Variants in ANGPT1 observed in about 807,000 individuals in gnomAD.
The protein encoded by ANGPT1 is angiopoietin 1.
ANGPT1 carries 17 observed loss-of-function variants against 62.2 expected under a neutral mutation model. The ratio of observed to expected loss-of-function variants is 0.27; its 90% CI spans 0.19 to 0.41. ANGPT1 has a LOEUF of 0.41. Ranked by LOEUF, ANGPT1 falls within the 10% of genes least tolerant of loss-of-function variation. ANGPT1 has a pLI of 1.00. For missense variants in ANGPT1, 478 were observed against 594.9 expected, an observed-to-expected ratio of 0.80 and a Z score of 2.04; for synonymous variants, 199 against 198.9, an observed-to-expected ratio of 1.00 and a Z score of 0.00.
intron 1 of ANGPT1, among the ~76,000 whole-genome samples, chr8:107,447,823 T>C (rs1241534465): frequency 6.6e-6 from 1 of 152,172 alleles, no homozygotes; most frequent in Non-Finnish European, 1.5e-5. Flanking sequence ...CAGACACACA[T>C]ACACACACAA....
At chr8:107,469,792 T>A (rs1375957146) in intron 1 of ANGPT1, among the ~76,000 whole-genome samples, 2 of 152,064 alleles carry the variant, frequency 1.3e-5, no homozygotes, top group Non-Finnish European at 2.9e-5. Flanking sequence ...TTCTGGCTTT[T>A]AAAATTGTAC....
intron 1 of ANGPT1, among the ~76,000 whole-genome samples, chr8:107,460,064 C>T (rs1179885451): frequency 1.3e-5 from 2 of 152,180 alleles, no homozygotes; most frequent in African/African-American, 4.8e-5. Context: ...ACACCCATGT[C>T]TCTGGGTTAT....
At chr8:107,468,293 T>C (rs1812258607) in intron 1 of ANGPT1, among the ~76,000 whole-genome samples, 1 of 152,000 alleles carries the variant, frequency 6.6e-6, no homozygotes, top group Non-Finnish European at 1.5e-5. Flanking sequence ...CACTGAGAAA[T>C]GGGGTACTTT....
At chr8:107,277,291 T>C (rs755230042) in intron 7 of ANGPT1, among the ~76,000 whole-genome samples, 2 of 152,286 alleles carry the variant, frequency 1.3e-5, no homozygotes, top group Admixed American at 6.5e-5. Flanking sequence ...AAAATGACTT[T>C]ATAATGGAAT....
At chr8:107,280,963 T>C (rs1813990506) in intron 7 of ANGPT1, among the ~76,000 whole-genome samples, 1 of 152,188 alleles carries the variant, frequency 6.6e-6, no homozygotes, top group Non-Finnish European at 1.5e-5. Flanking sequence ...AGAGGAAGTA[T>C]TAAATAATTT....
chr8:107,322,321 A>C (rs1815173876), intron 3 of ANGPT1, among the ~76,000 whole-genome samples, 193 bp from the exon 4 acceptor site: 1 of 152,210 alleles, frequency 6.6e-6, no homozygotes, highest in South Asian at 2.1e-4. Flanking sequence ...CAAATAAAAA[A>C]TAAGTAAACC....
chr8:107,453,286 T>C (rs1811825095), intron 1 of ANGPT1, among the ~76,000 whole-genome samples: 1 of 152,052 alleles, frequency 6.6e-6, no homozygotes, highest in Non-Finnish European at 1.5e-5. Context: ...TGCAATACCA[T>C]TTTTAAGTTT....
chr8:107,432,258 T>G (rs940296917), intron 1 of ANGPT1, among the ~76,000 whole-genome samples: 2 of 151,674 alleles, frequency 1.3e-5, no homozygotes, highest in Non-Finnish European at 2.9e-5. Flanking sequence ...TATTTTGGGA[T>G]TATTCCTTTT....
At chr8:107,290,722 T>G (rs1814253030) in intron 6 of ANGPT1, among the ~76,000 whole-genome samples, 1 of 152,232 alleles carries the variant, frequency 6.6e-6, no homozygotes, top group Non-Finnish European at 1.5e-5. Flanking sequence ...GACATTCATC[T>G]GATAAATGTT....
chr8:107,360,962 C>A (rs1816149352), intron 1 of ANGPT1, among the ~76,000 whole-genome samples: 1 of 152,142 alleles, frequency 6.6e-6, no homozygotes, highest in Non-Finnish European at 1.5e-5. Flanking sequence ...TCCATAGTGA[C>A]ATGCTATTTA....
chr8:107,370,979 A>T (rs1175376380), intron 1 of ANGPT1, among the ~76,000 whole-genome samples: 1 of 152,086 alleles, frequency 6.6e-6, no homozygotes, highest in Non-Finnish European at 1.5e-5. Context: ...TTTAAAAAAA[A>T]AAAAAGCAAT....
chr8:107,288,275 A>T (rs1214341655), intron 6 of ANGPT1, among the ~76,000 whole-genome samples: 2 of 152,184 alleles, frequency 1.3e-5, no homozygotes. Context: ...AGTACTAATG[A>T]AAGCACAGAC....
chr8:107,356,996 T>C lies in ANGPT1; in HGVS notation c.298-9899A>G, dbSNP rs116419309. 3.9e-3 allele frequency among the ~76,000 whole-genome samples: 587 copies of C among 152,334 alleles called. 6 individuals are homozygous for C. The highest frequency in any genetic ancestry group is 0.014 in the African/African-American group (565 of 41,574). ...ATACAAACATACACACAAATACATT[T>C]GCACAATTATGCTCTTGTACACACA... On this transcript the variant is annotated intron_variant, in intron 1 of 8. Coordinates refer to ENST00000517746, the MANE Select transcript of ANGPT1 (RefSeq NM_001146.5).
intron 1 of ANGPT1, among the ~76,000 whole-genome samples, chr8:107,370,763 G>A: frequency 1.4e-5 from 2 of 143,752 alleles, no homozygotes; most frequent in Non-Finnish European, 1.5e-5. Context: ...GAAGGAAGGA[G>A]GGAAGGAAGG....
In ANGPT1 at chr8:107,460,618, T is replaced by C. The variant is rs552740376; in HGVS notation, c.297+36644A>G. Among the ~76,000 whole-genome samples, 7 of 152,312 alleles carry C rather than the reference T, an allele frequency of 4.6e-5. No homozygotes were observed. The South Asian group carries it at 1.4e-3, about 32-fold the overall frequency. ...ATGAAAAGTTTTCTACAGAAATATT[T>C]CTGCAACAAACACACACAAATATGC... is the stretch of plus-strand genomic sequence containing the variant. On this transcript the variant is annotated intron_variant, in intron 1 of 8. Transcript: ENST00000517746.
intron 5 of ANGPT1, among the ~76,000 whole-genome samples, chr8:107,298,681 TAC>T (rs1814479127): frequency 6.6e-6 from 1 of 151,838 alleles, no homozygotes. Context: ...ATTACTGTAC[TAC>T]AATCCTGTTA....
intron 1 of ANGPT1, among the ~76,000 whole-genome samples, chr8:107,376,617 T>C (rs973846011): frequency 3.3e-5 from 5 of 152,116 alleles, no homozygotes; most frequent in African/African-American, 2.4e-5. Context: ...ACTCCAGCCA[T>C]AGCAGAGCTT....
intron 1 of ANGPT1, among the ~76,000 whole-genome samples, chr8:107,415,711 T>C (rs745937526): frequency 6.6e-6 from 1 of 152,186 alleles, no homozygotes; most frequent in Non-Finnish European, 1.5e-5. Flanking sequence ...TAGCCCCTTC[T>C]GGACAAACAA....
intron 1 of ANGPT1, among the ~76,000 whole-genome samples, chr8:107,394,309 T>G (rs1351252406): frequency 6.6e-6 from 1 of 152,180 alleles, no homozygotes; most frequent in Non-Finnish European, 1.5e-5. Context: ...TGACTCTTAC[T>G]AGAATATACA....
Sources: gnomAD v4.1 joint callset for allele counts (sites outside exome capture counted in the v4.1 genomes callset) on GRCh38, gnomAD v4.1.1 for gene constraint, MANE v1.5 for transcripts, NCBI Gene and HGNC (gene_info 2026-07-23, HGNC 2026-07-21) for gene names.